Variants in GRB10 observed in about 807,000 individuals in gnomAD.
The protein encoded by GRB10 is growth factor receptor-bound protein 10.
A neutral mutation model predicts 80.9 loss-of-function variants in GRB10; 20 were observed. The observed-to-expected ratio is 0.25, with a 90% CI of 0.17 to 0.36. GRB10 has a LOEUF of 0.36. Among genes scored for constraint, GRB10 ranks in the 10% least tolerant of loss-of-function variants. The pLI is 1.00. For synonymous variants in GRB10, 291 were observed against 291.5 expected, an observed-to-expected ratio of 1.00 and a Z score of 0.02; for missense variants, 548 against 747.7, an observed-to-expected ratio of 0.73 and a Z score of 3.12.
intron 5 of GRB10, among the ~76,000 whole-genome samples, chr7:50,686,978 C>T (rs534449549): frequency 6.6e-6 from 1 of 152,152 alleles, no homozygotes; most frequent in South Asian, 2.1e-4. Flanking sequence ...TCTAGAAGGC[C>T]GGAGCTGCCC....
chr7:50,753,878 AG>A (rs776511984), intron 3 of GRB10, among the ~76,000 whole-genome samples: 1 of 152,230 alleles, frequency 6.6e-6, no homozygotes, highest in Non-Finnish European at 1.5e-5. Context: ...CAAGGCTGTC[AG>A]GTGATCCAGG....
chr7:50,598,955 G>A (rs2047117399), intron 17 of GRB10, among the ~76,000 whole-genome samples: 1 of 152,046 alleles, frequency 6.6e-6, no homozygotes, highest in Non-Finnish European at 1.5e-5. Flanking sequence ...GGCATGGCAG[G>A]GGGGGCATCC....
chr7:50,684,132 T>C (rs6960169), intron 5 of GRB10, among the ~76,000 whole-genome samples: 109,565 of 152,002 alleles, frequency 0.72, 40,549 homozygotes, highest in East Asian at 0.91. Context: ...GTCTATCTCC[T>C]TTTACACACA....
Position 50,763,218 on chromosome 7 carries a change from G to A in GRB10, c.-216-7162C>T, listed in dbSNP as rs542667234. ...TACTGAAATAAGAGATAGGATGTAA[G>A]CAGCCCAACATAAAAATGGGGAGAG... On this transcript the variant is annotated intron_variant, in intron 2 of 18. Coordinates refer to ENST00000401949, the MANE Select transcript of GRB10 (RefSeq NM_001350814.2). Among the ~76,000 whole-genome samples, 11 of 152,154 alleles carry A rather than the reference G, an allele frequency of 7.2e-5. No individual in the cohort carries two copies. In the South Asian group the frequency reaches 1.9e-3, roughly 26 times the overall value.
intron 7 of GRB10, among the ~76,000 whole-genome samples, chr7:50,662,733 TA>T (rs1586561514): frequency 6.6e-6 from 1 of 152,226 alleles, no homozygotes; most frequent in African/African-American, 2.4e-5. Flanking sequence ...CTGTGAAAAT[TA>T]AATGTGTAGT....
intron 7 of GRB10, among the ~76,000 whole-genome samples, chr7:50,654,640 C>T (rs1049749296): frequency 8.5e-5 from 13 of 152,134 alleles, no homozygotes; most frequent in African/African-American, 2.9e-4. Context: ...ATTTGTTTAG[C>T]ATTTTTACAA....
rs553262099 is a variant in GRB10 at position 50,642,615 on chromosome 7, T to C, written c.505-15637A>G. Among the ~76,000 whole-genome samples the C allele has an allele frequency of 2.6e-5, 4 of 152,290 alleles. No homozygotes were observed. In the East Asian group the frequency reaches 7.7e-4, roughly 29 times the overall value. ...ACATGATACTCAACGGAAACGCTCA[T>C]TGGAGCATTTTGGATTTTCAGATTG... On this transcript the variant is annotated intron_variant, in intron 7 of 18. Transcript: ENST00000401949.
intron 12 of GRB10, among the ~76,000 whole-genome samples, chr7:50,613,137 G>A (rs1312984068): frequency 6.6e-6 from 1 of 152,212 alleles, no homozygotes; most frequent in Non-Finnish European, 1.5e-5. Context: ...ACAGGACAAC[G>A]TAATGTGGTA....
chr7:50,595,735 T>C (rs1585392556), intron 17 of GRB10: 1 of 536,114 alleles, frequency 1.9e-6, no homozygotes, highest in Non-Finnish European at 3.4e-6. Flanking sequence ...TAATTCTGAA[T>C]TGTCATTCTC....
chr7:50,766,643 C>T (rs1368163441), intron 2 of GRB10, among the ~76,000 whole-genome samples: 1 of 152,058 alleles, frequency 6.6e-6, no homozygotes, highest in Non-Finnish European at 1.5e-5. Context: ...TGATAAAGAT[C>T]TCTCCTCTCC....
At chr7:50,691,658 TA>T (rs1393603764) in intron 5 of GRB10, among the ~76,000 whole-genome samples, 2 of 152,214 alleles carry the variant, frequency 1.3e-5, no homozygotes, top group African/African-American at 4.8e-5. Flanking sequence ...GTACAAATGC[TA>T]TTATTTGGTG....
Position 50,619,227 on chromosome 7 carries a change from C to A in GRB10, c.720G>T (p.Glu240Asp). 6.2e-7 allele frequency: 1 copy of A among 1,613,860 alleles called. No individual in the cohort carries two copies. The highest frequency in any genetic ancestry group is 1.1e-5 in the South Asian group (1 of 91,078). The change falls in exon 9 of 19, where the codon GAG (glutamate) becomes GAT (aspartate). Residue 240 changes from glutamate (E) to aspartate (D), a missense_variant. This residue lies in a region of GRB10 where 270 missense variants were observed against 433.6 expected (regional missense o/e 0.62). Coordinates refer to ENST00000401949, the MANE Select transcript of GRB10 (RefSeq NM_001350814.2). Reference sequence around the variant, plus strand: ...AATTCTTCCTGAATAGAAATTTACTCTCACTGGCCATGGTACTCTCCACCT... The same window carrying A: ...AATTCTTCCTGAATAGAAATTTACTATCACTGGCCATGGTACTCTCCACCT... ...VVQVESTMAS[E>D]SKFLFRKNYA...
chr7:50,722,954 G>A (rs984921716), intron 4 of GRB10, among the ~76,000 whole-genome samples: 2 of 152,002 alleles, frequency 1.3e-5, no homozygotes, highest in African/African-American at 4.8e-5. Context: ...CCACATTTAC[G>A]CCTTAGAAAG....
intron 10 of GRB10, among the ~76,000 whole-genome samples, chr7:50,616,867 C>T (rs553112414): frequency 6.6e-6 from 1 of 152,324 alleles, no homozygotes; most frequent in East Asian, 1.9e-4. Context: ...CAAAACAAAA[C>T]AAAACAAGAA....
At chr7:50,641,414 T>C (rs1285853961) in intron 7 of GRB10, among the ~76,000 whole-genome samples, 1 of 152,128 alleles carries the variant, frequency 6.6e-6, no homozygotes, top group Admixed American at 6.5e-5. Context: ...TACTGGAGTG[T>C]GCTTAGGGCA....
intron 3 of GRB10, among the ~76,000 whole-genome samples, chr7:50,753,470 G>C (rs2074502375): frequency 6.6e-6 from 1 of 152,208 alleles, no homozygotes; most frequent in Admixed American, 6.5e-5. Flanking sequence ...GCCCATCTGA[G>C]AGTCCCAAGT....
intron 7 of GRB10, among the ~76,000 whole-genome samples, chr7:50,669,313 G>A (rs889510746): frequency 1.3e-5 from 2 of 152,210 alleles, no homozygotes; most frequent in African/African-American, 4.8e-5. Context: ...GGACTTAGGA[G>A]CTTACAATCA....
intron 7 of GRB10, among the ~76,000 whole-genome samples, chr7:50,658,034 C>T (rs1402721756): frequency 6.6e-6 from 1 of 152,198 alleles, no homozygotes; most frequent in African/African-American, 2.4e-5. Flanking sequence ...CCTAGATGGC[C>T]CATCTCATCT....
At chr7:50,637,336 T>C (rs533789305) in intron 7 of GRB10, among the ~76,000 whole-genome samples, 6 of 152,182 alleles carry the variant, frequency 3.9e-5, no homozygotes, top group Non-Finnish European at 7.3e-5. Context: ...CAGTAAAGTT[T>C]CAGAATACAA....
Sources: allele counts gnomAD v4.1 joint callset (sites outside exome capture counted in the v4.1 genomes callset), GRCh38; gene constraint gnomAD v4.1.1; regional missense constraint gnomAD v4.1.1; transcripts MANE v1.5; gene names NCBI Gene and HGNC (gene_info 2026-07-23, HGNC 2026-07-21).